Variants in PHACTR3 observed in about 807,000 individuals in gnomAD.
PHACTR3 encodes phosphatase and actin regulator 3.
Under a neutral mutation model 66.8 loss-of-function variants are expected in PHACTR3, and 16 were observed. The observed-to-expected ratio is 0.24, with a 90% confidence interval of 0.16 to 0.36. The LOEUF is 0.36. Among genes scored for constraint, PHACTR3 ranks in the 10% least tolerant of loss-of-function variants. The pLI is 1.00. For synonymous variants in PHACTR3, 323 were observed against 292.1 expected, an observed-to-expected ratio of 1.11 and a Z score of -1.08; for missense variants, 647 against 719.9, an observed-to-expected ratio of 0.90 and a Z score of 1.16.
rs532037587 is a variant in PHACTR3, at chr20:59,847,189, T to A, written c.*59T>A. 1 of 1,311,518 alleles carries A rather than the reference T, an allele frequency of 7.6e-7. No individual in the cohort carries two copies. Among genetic ancestry groups the A allele is most frequent in the African/African-American group, 1.5e-5 (1 of 68,840 alleles). The allele number at this position is 1,311,518 out of a possible 1,614,324, so 81.2% of individuals were successfully genotyped here. ...TTTTGATACCAACACTGAACATTCATCAGGGAACTTTCCTGAAGTTCAGCT... is the reference window on the plus strand; with the variant it reads ...TTTTGATACCAACACTGAACATTCAACAGGGAACTTTCCTGAAGTTCAGCT... On this transcript the variant is annotated 3_prime_UTR_variant, in exon 13 of 13. Transcript: ENST00000371015.
chr20:59,846,379 G>A (rs1238300250), intron 12 of PHACTR3, among the ~76,000 whole-genome samples: 1 of 152,118 alleles, frequency 6.6e-6, no homozygotes, highest in Non-Finnish European at 1.5e-5. Flanking sequence ...TATGCAAAGA[G>A]TTTGTTTTTT....
At chr20:59,714,634 T>A (rs1263000969) in intron 1 of PHACTR3, among the ~76,000 whole-genome samples, 1 of 152,230 alleles carries the variant, frequency 6.6e-6, no homozygotes, top group Non-Finnish European at 1.5e-5. Context: ...CACTTTGTTT[T>A]TTTTCTTCAA....
At chr20:59,744,092 T>A (rs983760956) in intron 2 of PHACTR3, among the ~76,000 whole-genome samples, 5 of 152,116 alleles carry the variant, frequency 3.3e-5, no homozygotes, top group Non-Finnish European at 7.4e-5. Context: ...GTAAGGCACA[T>A]AACGGCAGAA....
At chr20:59,845,007 C>T (rs536529248) in intron 11 of PHACTR3, 182 bp from the exon 12 acceptor site, 5 of 470,684 alleles carry the variant, frequency 1.1e-5, no homozygotes, top group Non-Finnish European at 1.6e-5. Context: ...TACATACTAG[C>T]TTGGTAGGAC....
intron 1 of PHACTR3, among the ~76,000 whole-genome samples, chr20:59,719,258 C>G (rs1182560956): frequency 1.3e-5 from 2 of 152,130 alleles, no homozygotes; most frequent in Non-Finnish European, 2.9e-5. Context: ...TTCCACCTCC[C>G]GGGTTCAAGC....
At chr20:59,816,868 G>C (rs933575756) in intron 8 of PHACTR3, among the ~76,000 whole-genome samples, 11 of 152,202 alleles carry the variant, frequency 7.2e-5, no homozygotes, top group African/African-American at 2.2e-4. Flanking sequence ...TAGATGGAGA[G>C]ACAGCTGGAT....
rs555576892 is a variant in PHACTR3, at chr20:59,627,869, A to G, written c.118+22737A>G. Among the ~76,000 whole-genome samples, 13 of 152,224 alleles carry G rather than the reference A, an allele frequency of 8.5e-5. No individual in the cohort carries two copies. In the East Asian group the frequency reaches 2.1e-3, roughly 25 times the overall value. On this transcript the variant is annotated intron_variant, in intron 1 of 12. Transcript: ENST00000371015. ...TTTATCTATTTTTATTTATGTATCA[A>G]TATATCTATAATCTATTTTTCAATA...
intron 5 of PHACTR3, among the ~76,000 whole-genome samples, chr20:59,771,110 T>C (rs6100580): frequency 0.26 from 40,175 of 152,068 alleles, 5,719 homozygotes; most frequent in African/African-American, 0.37. Context: ...ACATCTGTGA[T>C]TGACAGTGGG....
At chr20:59,590,305 G>A (rs1437440560) in intron 1 of PHACTR3, among the ~76,000 whole-genome samples, 1 of 152,200 alleles carries the variant, frequency 6.6e-6, no homozygotes, top group Non-Finnish European at 1.5e-5. Flanking sequence ...CATTTAGGTT[G>A]TTTCCACTTG....
chr20:59,591,761 AC>A (rs2033188664), intron 1 of PHACTR3, among the ~76,000 whole-genome samples: 1 of 152,156 alleles, frequency 6.6e-6, no homozygotes, highest in African/African-American at 2.4e-5. Flanking sequence ...CAAGAGTGTC[AC>A]CGCAGAAACC....
At chr20:59,826,242 C>G (rs1000828992) in intron 8 of PHACTR3, among the ~76,000 whole-genome samples, 22 of 152,102 alleles carry the variant, frequency 1.4e-4, no homozygotes, top group Admixed American at 1.4e-3. Context: ...GGCTGGAGCT[C>G]TGCTCCTCAG....
intron 4 of PHACTR3, among the ~76,000 whole-genome samples, chr20:59,757,225 C>A (rs2039831598): frequency 6.6e-6 from 1 of 152,226 alleles, no homozygotes; most frequent in Non-Finnish European, 1.5e-5. Flanking sequence ...ATGGGGGTCA[C>A]GCTTCTCCTT....
intron 1 of PHACTR3, among the ~76,000 whole-genome samples, chr20:59,725,218 C>G (rs749747): frequency 0.33 from 48,860 of 147,154 alleles, 8,364 homozygotes; most frequent in African/African-American, 0.48. Context: ...AGGTTGTGAG[C>G]CCAGGTGTCC....
At chr20:59,657,414 A>G (rs891658923) in intron 1 of PHACTR3, among the ~76,000 whole-genome samples, 11 of 152,022 alleles carry the variant, frequency 7.2e-5, no homozygotes, top group African/African-American at 2.6e-4. Flanking sequence ...TGTGTGTGTA[A>G]ATTTGAATTA....
intron 7 of PHACTR3, among the ~76,000 whole-genome samples, chr20:59,797,535 G>T (rs2041286173): frequency 6.6e-6 from 1 of 152,150 alleles, no homozygotes; most frequent in Non-Finnish European, 1.5e-5. Flanking sequence ...GTAGGGTAGA[G>T]TACATTGCCC....
chr20:59,723,463 C>T (rs1290236677), intron 1 of PHACTR3, among the ~76,000 whole-genome samples: 3 of 152,122 alleles, frequency 2.0e-5, no homozygotes, highest in Non-Finnish European at 4.4e-5. Flanking sequence ...TGATAGTATT[C>T]CATGATACAT....
At chr20:59,795,676 A>G (rs1188565362) in intron 7 of PHACTR3, among the ~76,000 whole-genome samples, 1 of 152,136 alleles carries the variant, frequency 6.6e-6, no homozygotes, top group Non-Finnish European at 1.5e-5. Context: ...GTATGCATAT[A>G]TATTTACAAT....
intron 1 of PHACTR3, among the ~76,000 whole-genome samples, chr20:59,681,490 A>G (rs567296206): frequency 6.6e-6 from 1 of 152,222 alleles, no homozygotes; most frequent in African/African-American, 2.4e-5. Flanking sequence ...TGAGTCTTCA[A>G]CATTTGCCTC....
intron 1 of PHACTR3, among the ~76,000 whole-genome samples, chr20:59,639,993 T>C (rs1462386481): frequency 1.3e-5 from 2 of 152,174 alleles, no homozygotes; most frequent in East Asian, 3.8e-4. Flanking sequence ...AAGAGAGAGC[T>C]CTATGGAATA....
Sources: allele counts gnomAD v4.1 joint callset (sites outside exome capture counted in the v4.1 genomes callset), GRCh38; gene constraint gnomAD v4.1.1; transcripts MANE v1.5; gene names NCBI Gene and HGNC (gene_info 2026-07-23, HGNC 2026-07-21).